Variants in SRPK2 observed in about 807,000 individuals in gnomAD.
SRPK2 encodes the protein SFRS protein kinase 2.
In SRPK2, 21 loss-of-function variants were observed where a neutral mutation model predicts 90.8. The ratio of observed to expected loss-of-function variants is 0.23; its 90% CI spans 0.16 to 0.33. The LOEUF is 0.33. SRPK2 is among the 10% of genes least tolerant of loss of function. The pLI is 1.00. For missense variants in SRPK2, 620 were observed against 869.0 expected (o/e 0.71, Z 3.60); for synonymous variants, 288 against 311.1 (o/e 0.93, Z 0.78).
chr7:105,328,900 G>A (rs1276600989), intron 2 of SRPK2, among the ~76,000 whole-genome samples: 1 of 151,338 alleles, frequency 6.6e-6, no homozygotes, highest in African/African-American at 2.4e-5. Context: ...TAGAAACTCA[G>A]CCAGATGCAG....
At chr7:105,159,331 C>A (rs540924882) in intron 7 of SRPK2, among the ~76,000 whole-genome samples, 1 of 150,308 alleles carries the variant, frequency 6.7e-6, no homozygotes, top group East Asian at 2.0e-4. Flanking sequence ...ACTAAAAATA[C>A]AAAAATTAGC....
At chr7:105,379,632 C>T (rs534734281) in intron 2 of SRPK2, among the ~76,000 whole-genome samples, 2 of 152,030 alleles carry the variant, frequency 1.3e-5, no homozygotes, top group South Asian at 2.1e-4. Context: ...TCTACATGGT[C>T]GTTACAGGGG....
At chr7:105,159,450 A>AAAAAAAAAAAAAAAC (rs1807118113) in intron 7 of SRPK2, among the ~76,000 whole-genome samples, 1 of 122,686 alleles carries the variant, frequency 8.2e-6, no homozygotes, top group African/African-American at 3.8e-5. Context: ...TCCGTCTCCA[A>AAAAAAAAAAAAAAAC]AAAAAAAAAA....
chr7:105,326,928 T>C (rs1464566273), intron 2 of SRPK2, among the ~76,000 whole-genome samples: 1 of 151,866 alleles, frequency 6.6e-6, no homozygotes, highest in African/African-American at 2.4e-5. Context: ...CCAGGAGTGG[T>C]GGTGGGAGCC....
At chr7:105,297,962 G>C (rs948260986) in intron 2 of SRPK2, among the ~76,000 whole-genome samples, 1 of 152,096 alleles carries the variant, frequency 6.6e-6, no homozygotes, top group East Asian at 1.9e-4. Flanking sequence ...AGCTGGTCTC[G>C]AACTCCTGAC....
intron 11 of SRPK2, among the ~76,000 whole-genome samples, chr7:105,135,608 T>C (rs969524377): frequency 6.6e-6 from 1 of 152,252 alleles, no homozygotes. Context: ...CCGAGTTGGC[T>C]GTTATCTGAG....
At chr7:105,149,344 A>G (rs1004790805) in intron 7 of SRPK2, among the ~76,000 whole-genome samples, 16 of 152,326 alleles carry the variant, frequency 1.1e-4, no homozygotes, top group Middle Eastern at 3.4e-3. Flanking sequence ...GTGTACGTGC[A>G]CGTCCAGTCA....
intron 2 of SRPK2, among the ~76,000 whole-genome samples, chr7:105,208,204 T>C (rs1212359834): frequency 6.6e-6 from 1 of 152,134 alleles, no homozygotes; most frequent in East Asian, 1.9e-4. Flanking sequence ...AAGGGTAATA[T>C]AGCATAGCCA....
intron 2 of SRPK2, among the ~76,000 whole-genome samples, chr7:105,247,522 A>G (rs992535093): frequency 9.6e-6 from 1 of 103,878 alleles, no homozygotes; most frequent in Non-Finnish European, 2.0e-5. Flanking sequence ...AAAAACACAC[A>G]CACACATAAA....
intron 2 of SRPK2, among the ~76,000 whole-genome samples, chr7:105,321,847 G>T (rs1812975373): frequency 1.3e-5 from 2 of 152,124 alleles, no homozygotes; most frequent in East Asian, 3.8e-4. Context: ...GTACACTGCT[G>T]GTGGGAATAT....
At chr7:105,188,823 T>C (rs988264064) in intron 3 of SRPK2, among the ~76,000 whole-genome samples, 9 of 152,216 alleles carry the variant, frequency 5.9e-5, no homozygotes, top group Non-Finnish European at 8.8e-5. Context: ...TTTAGAATAC[T>C]ACCTTAGATC....
chr7:105,189,345 T>C (rs939332699), intron 3 of SRPK2: 4 of 160,206 alleles, frequency 2.5e-5, no homozygotes, highest in South Asian at 3.4e-4. Flanking sequence ...CCCTGGCCTA[T>C]GGTGACATCG....
chr7:105,170,851 GAAAGAAAGAAAGA>G (rs1790813380), intron 3 of SRPK2, among the ~76,000 whole-genome samples: 3 of 22,100 alleles, frequency 1.4e-4, no homozygotes, highest in Non-Finnish European at 2.2e-4. Flanking sequence ...AAGAAAGAAA[GAAAGAAAGAAAGA>G]AAGAAAGAAA....
At chr7:105,151,222 A>G (rs962991206) in intron 7 of SRPK2, among the ~76,000 whole-genome samples, 1 of 152,238 alleles carries the variant, frequency 6.6e-6, no homozygotes, top group Non-Finnish European at 1.5e-5. Flanking sequence ...AATTGAAACC[A>G]TTAAAGGAAA....
At chr7:105,227,425 A>T (rs886543731) in intron 2 of SRPK2, among the ~76,000 whole-genome samples, 13 of 152,346 alleles carry the variant, frequency 8.5e-5, no homozygotes, top group Middle Eastern at 6.8e-3. Flanking sequence ...AAAGGATCTG[A>T]ATAGATGTTC....
At chr7:105,121,472 T>TA (rs915209878) in intron 15 of SRPK2, among the ~76,000 whole-genome samples, 1 of 152,202 alleles carries the variant, frequency 6.6e-6, no homozygotes, top group African/African-American at 2.4e-5. Flanking sequence ...TTTAGTTTCT[T>TA]AAAGTTCCAT....
intron 1 of SRPK2, among the ~76,000 whole-genome samples, chr7:105,396,486 C>G (rs1178195864): frequency 6.6e-6 from 1 of 151,758 alleles, no homozygotes; most frequent in South Asian, 2.1e-4. Context: ...AAATACAAAG[C>G]TGGGCGTGGT....
chr7:105,162,906 A>C (rs954940844), intron 6 of SRPK2, among the ~76,000 whole-genome samples: 1 of 152,260 alleles, frequency 6.6e-6, no homozygotes, highest in Non-Finnish European at 1.5e-5. Context: ...GAAATGTTCT[A>C]TTAGCTGTCC....
chr7:105,169,336 T>A, intron 3 of SRPK2, 71 bp from the exon 4 acceptor site: 2 of 1,178,344 alleles, frequency 1.7e-6, no homozygotes, highest in Non-Finnish European at 2.5e-6. Flanking sequence ...TCATCTCTTT[T>A]GTCATTCTTG....
Sources: gnomAD v4.1 joint callset for allele counts (sites outside exome capture counted in the v4.1 genomes callset) on GRCh38, gnomAD v4.1.1 for gene constraint, MANE v1.5 for transcripts, NCBI Gene and HGNC (gene_info 2026-07-23, HGNC 2026-07-21) for gene names.